The following PLCB1 variants were observed in gnomAD, a reference collection of about 807,000 sequenced individuals.
PLCB1 encodes the protein phospholipase C beta 1.
Under a neutral mutation model 161.8 loss-of-function variants are expected in PLCB1, and 46 were observed. That is an observed-to-expected ratio of 0.28 (90% CI 0.22 to 0.36). The LOEUF (loss-of-function observed/expected upper bound fraction) is 0.36. Ranked by LOEUF, PLCB1 falls within the 10% of genes least tolerant of loss-of-function variation. PLCB1 has a pLI of 1.00. For synonymous variants in PLCB1, 517 were observed against 503.7 expected (o/e 1.03, Z -0.35); for missense variants, 1,016 against 1,472.5 (o/e 0.69, Z 5.07).
intron 2 of PLCB1, among the ~76,000 whole-genome samples, chr20:8,189,775 A>G (rs8119460): frequency 0.056 from 8,502 of 152,144 alleles, 721 homozygotes; most frequent in African/African-American, 0.18. Flanking sequence ...ATGTATATCC[A>G]TTTCAACTTG....
At chr20:8,862,812 T>C (rs866171266) in intron 31 of PLCB1, among the ~76,000 whole-genome samples, 1 of 152,188 alleles carries the variant, frequency 6.6e-6, no homozygotes, top group Non-Finnish European at 1.5e-5. Flanking sequence ...AGGTCTTCAT[T>C]TGGGTTCCCC....
At chr20:8,336,224 G>T (rs1985571508) in intron 2 of PLCB1, among the ~76,000 whole-genome samples, 1 of 152,206 alleles carries the variant, frequency 6.6e-6, no homozygotes, top group Non-Finnish European at 1.5e-5. Context: ...AGTGTCAACA[G>T]TTAGGTGTTA....
chr20:8,794,845 G>T (rs1440196604), intron 31 of PLCB1, among the ~76,000 whole-genome samples: 2 of 152,154 alleles, frequency 1.3e-5, no homozygotes, highest in Non-Finnish European at 2.9e-5. Flanking sequence ...TTCAGCAAAA[G>T]AAATTTGAAA....
chr20:8,464,254 C>A (rs1173508015), intron 3 of PLCB1, among the ~76,000 whole-genome samples: 1 of 152,248 alleles, frequency 6.6e-6, no homozygotes, highest in South Asian at 2.1e-4. Context: ...CACTAAGTCT[C>A]CAGGTATATG....
intron 2 of PLCB1, among the ~76,000 whole-genome samples, chr20:8,209,808 TTCA>T (rs1486408169): frequency 6.6e-6 from 1 of 152,108 alleles, no homozygotes; most frequent in African/African-American, 2.4e-5. Context: ...TGCACAAGTG[TTCA>T]TCCCAGCCCT....
At chr20:8,437,136 C>T (rs955096206) in intron 3 of PLCB1, among the ~76,000 whole-genome samples, 16 of 152,062 alleles carry the variant, frequency 1.1e-4, no homozygotes, top group Non-Finnish European at 1.8e-4. Flanking sequence ...CTGGAATGCA[C>T]GCCTTCCCCT....
At chr20:8,164,382 G>A (rs1247751539) in intron 2 of PLCB1, among the ~76,000 whole-genome samples, 1 of 152,136 alleles carries the variant, frequency 6.6e-6, no homozygotes, top group African/African-American at 2.4e-5. Context: ...GTAGAGCTGT[G>A]CTGTCTCATA....
chr20:8,183,326 T>C (rs1301938411), intron 2 of PLCB1, among the ~76,000 whole-genome samples: 1 of 152,212 alleles, frequency 6.6e-6, no homozygotes, highest in African/African-American at 2.4e-5. Flanking sequence ...CTCACAAAAT[T>C]GCTAAAGTGA....
intron 3 of PLCB1, among the ~76,000 whole-genome samples, chr20:8,549,380 TA>T (rs1985690565): frequency 6.6e-6 from 1 of 152,144 alleles, no homozygotes; most frequent in Non-Finnish European, 1.5e-5. Flanking sequence ...TCCAGGTGGC[TA>T]AGGGACTGCA....
chr20:8,369,077 G>T (rs1490047769), intron 2 of PLCB1, among the ~76,000 whole-genome samples: 1 of 152,142 alleles, frequency 6.6e-6, no homozygotes, highest in Non-Finnish European at 1.5e-5. Context: ...GTGTATACCT[G>T]ATACATTGTA....
intron 2 of PLCB1, among the ~76,000 whole-genome samples, chr20:8,280,768 G>A (rs964052735): frequency 3.9e-5 from 6 of 152,198 alleles, no homozygotes; most frequent in Non-Finnish European, 5.9e-5. Flanking sequence ...AAAATATAAA[G>A]GAGGATGGAT....
chr20:8,878,895 G>T (rs991856976), intron 31 of PLCB1, among the ~76,000 whole-genome samples: 1 of 152,024 alleles, frequency 6.6e-6, no homozygotes, highest in South Asian at 2.1e-4. Context: ...GGATACGAAT[G>T]ATCCTGTCAC....
At chr20:8,137,765 C>T (rs915380354) in intron 1 of PLCB1, among the ~76,000 whole-genome samples, 7 of 152,200 alleles carry the variant, frequency 4.6e-5, no homozygotes, top group Non-Finnish European at 7.3e-5. Context: ...CCTACGTCCC[C>T]TTCTAAGGGT....
chr20:8,748,804 T>G (rs929174479), intron 23 of PLCB1, among the ~76,000 whole-genome samples: 3 of 152,074 alleles, frequency 2.0e-5, no homozygotes, highest in African/African-American at 7.2e-5. Flanking sequence ...TCTAAATGAG[T>G]AGATTATAGC....
intron 3 of PLCB1, among the ~76,000 whole-genome samples, chr20:8,417,071 ATATTTTTTTTTTTTTTT>A (rs1979326599): frequency 3.9e-5 from 2 of 51,680 alleles, no homozygotes; most frequent in South Asian, 6.3e-4. Flanking sequence ...ATATATATAT[ATATTTTTTTTTTTTTTT>A]TTTTTTTTTT....
intron 2 of PLCB1, among the ~76,000 whole-genome samples, chr20:8,328,297 G>A (rs6516370): frequency 0.099 from 15,007 of 151,766 alleles, 1,492 homozygotes; most frequent in African/African-American, 0.25. Flanking sequence ...TCTCTCATTT[G>A]TCTTGCTGAA....
chr20:8,385,699 A>C lies in PLCB1; in HGVS notation c.246+14249A>C, dbSNP rs189490804. Among the ~76,000 whole-genome samples, 95 of 152,322 alleles carry C rather than the reference A, an allele frequency of 6.2e-4. 1 individual carries two copies. In the East Asian group the frequency reaches 0.014, roughly 22 times the overall value. On this transcript the variant is annotated intron_variant, in intron 3 of 31. Coordinates refer to ENST00000338037, the MANE Select transcript of PLCB1 (RefSeq NM_015192.4). The stretch of plus-strand genomic sequence containing the variant: ...ATGGGTTGCACAGTTCTGTGGAAAA[A>C]GCATGGTTTCCCCGGCTGGGTAGCA...
intron 9 of PLCB1, among the ~76,000 whole-genome samples, chr20:8,680,202 C>G (rs1990180558): frequency 6.6e-6 from 1 of 152,060 alleles, no homozygotes. Flanking sequence ...GTAAATTTTT[C>G]ACAAACAGTG....
chr20:8,802,161 T>C, intron 31 of PLCB1: 2 of 1,598,476 alleles, frequency 1.3e-6, no homozygotes, highest in Non-Finnish European at 1.7e-6. Context: ...GTGACCACCG[T>C]CCTTCCGGCC....
Sources: gnomAD v4.1 joint callset for allele counts (sites outside exome capture counted in the v4.1 genomes callset) on GRCh38, gnomAD v4.1.1 for gene constraint, MANE v1.5 for transcripts, NCBI Gene and HGNC (gene_info 2026-07-23, HGNC 2026-07-21) for gene names.